Variants in HDAC9 observed in about 807,000 individuals in gnomAD.
HDAC9 encodes the protein MEF-2 interacting transcription repressor (MITR) protein.
A neutral mutation model predicts 139.4 loss-of-function variants in HDAC9; 41 were observed. That is an observed-to-expected ratio of 0.29 (90% CI 0.23 to 0.38). The LOEUF (loss-of-function observed/expected upper bound fraction) is 0.38. HDAC9 is among the 10% of genes least tolerant of loss of function. The probability of loss-of-function intolerance (pLI) is 1.00; values close to 1 mark genes in which losing one functional copy is unlikely to be tolerated. For missense variants in HDAC9, 1,147 were observed against 1,297.0 expected, an observed-to-expected ratio of 0.88 and a Z score of 1.78; for synonymous variants, 517 against 476.2, an observed-to-expected ratio of 1.09 and a Z score of -1.12.
At chr7:18,452,185 G>T (rs1367240714) in intron 1 of HDAC9, among the ~76,000 whole-genome samples, 3 of 152,116 alleles carry the variant, frequency 2.0e-5, no homozygotes, top group Non-Finnish European at 2.9e-5. Context: ...TGAATCCTAG[G>T]CTGAACTGTG....
chr7:18,244,145 G>A (rs1310158117), intron 2 of HDAC9, among the ~76,000 whole-genome samples: 1 of 152,082 alleles, frequency 6.6e-6, no homozygotes, highest in Admixed American at 6.6e-5. Context: ...ACGAACAAGT[G>A]AACAGCTGAG....
At chr7:18,539,940 C>CT (rs973417965) in intron 2 of HDAC9, among the ~76,000 whole-genome samples, 2 of 151,728 alleles carry the variant, frequency 1.3e-5, no homozygotes, top group African/African-American at 4.8e-5. Context: ...AGCATAAGTA[C>CT]TTTTTATAGT....
chr7:18,984,650 C>G (rs555493752), intron 25 of HDAC9, among the ~76,000 whole-genome samples: 1 of 151,882 alleles, frequency 6.6e-6, no homozygotes, highest in Non-Finnish European at 1.5e-5. Flanking sequence ...GAGTAGTTGG[C>G]AATTCATGAA....
chr7:18,232,004 T>G (rs543156138), intron 2 of HDAC9, among the ~76,000 whole-genome samples: 1 of 152,228 alleles, frequency 6.6e-6, no homozygotes, highest in South Asian at 2.1e-4. Flanking sequence ...AACAAATTAA[T>G]TTCCATCGAA....
intron 22 of HDAC9, among the ~76,000 whole-genome samples, chr7:18,881,817 C>A (rs59092377): frequency 6.6e-6 from 1 of 152,060 alleles, no homozygotes; most frequent in African/African-American, 2.4e-5. Flanking sequence ...AATGCCTTGT[C>A]TTCTCATAAT....
intron 18 of HDAC9, 94 bp from the exon 19 acceptor site, chr7:18,829,367 C>A: frequency 1.8e-6 from 2 of 1,126,438 alleles, no homozygotes; most frequent in South Asian, 2.5e-5. Context: ...CTTCAGAGAT[C>A]ATATAGCATT....
At chr7:18,550,496 G>A (rs907533428) in intron 2 of HDAC9, among the ~76,000 whole-genome samples, 2 of 152,192 alleles carry the variant, frequency 1.3e-5, no homozygotes, top group African/African-American at 4.8e-5. Flanking sequence ...ACAAGAGGAG[G>A]AGACAGAAAC....
intron 2 of HDAC9, among the ~76,000 whole-genome samples, chr7:18,539,993 C>T (rs762837235): frequency 2.0e-5 from 3 of 150,668 alleles, no homozygotes; most frequent in Admixed American, 6.7e-5. Context: ...CACGGTGGCT[C>T]ATGTCTGTAA....
chr7:18,801,670 A>G (rs1165073746), intron 17 of HDAC9, among the ~76,000 whole-genome samples: 1 of 152,142 alleles, frequency 6.6e-6, no homozygotes, highest in East Asian at 1.9e-4. Context: ...TGTTTTCTCA[A>G]CGTTTGGTAA....
intron 2 of HDAC9, among the ~76,000 whole-genome samples, chr7:18,559,278 C>G (rs1374117976): frequency 1.3e-5 from 2 of 152,106 alleles, no homozygotes; most frequent in Middle Eastern, 3.2e-3. Flanking sequence ...CTGACCCACA[C>G]AATACATACA....
At chr7:18,972,743 AT>A (rs1784326191) in intron 24 of HDAC9, among the ~76,000 whole-genome samples, 1 of 152,152 alleles carries the variant, frequency 6.6e-6, no homozygotes, top group South Asian at 2.1e-4. Context: ...GATAGCCTCA[AT>A]AATTTACCTG....
intron 2 of HDAC9, among the ~76,000 whole-genome samples, chr7:18,276,435 C>T (rs1465449246): frequency 6.6e-6 from 1 of 152,192 alleles, no homozygotes; most frequent in Non-Finnish European, 1.5e-5. Flanking sequence ...CTAATGCATT[C>T]AGTTTGTGTC....
At chr7:18,269,688 C>CTTTA (rs1218013434) in intron 2 of HDAC9, among the ~76,000 whole-genome samples, 2 of 152,044 alleles carry the variant, frequency 1.3e-5, no homozygotes, top group African/African-American at 4.8e-5. Flanking sequence ...TGCCACTGCA[C>CTTTA]TTTAGCCTGG....
chr7:18,352,821 T>C (rs983255802), intron 1 of HDAC9, among the ~76,000 whole-genome samples: 1 of 152,150 alleles, frequency 6.6e-6, no homozygotes, highest in Non-Finnish European at 1.5e-5. Flanking sequence ...CTCCATTTCA[T>C]GATCCTTGTT....
chr7:18,106,997 A>G (rs1008707204), intron 1 of HDAC9, among the ~76,000 whole-genome samples: 5 of 152,232 alleles, frequency 3.3e-5, no homozygotes, highest in Non-Finnish European at 2.9e-5. Context: ...AAAATCTTGA[A>G]AGAAGCTTTT....
At chr7:18,164,317 C>T (rs1360517073) in intron 2 of HDAC9, among the ~76,000 whole-genome samples, 1 of 152,140 alleles carries the variant, frequency 6.6e-6, no homozygotes, top group African/African-American at 2.4e-5. Context: ...AAAAAATTTT[C>T]TCCTGTTATT....
At chr7:18,569,565 A>G (rs1285973998) in intron 2 of HDAC9, among the ~76,000 whole-genome samples, 1 of 152,190 alleles carries the variant, frequency 6.6e-6, no homozygotes, top group Non-Finnish European at 1.5e-5. Context: ...TGTAATGCTG[A>G]TGGTTTTCTC....
intron 25 of HDAC9, among the ~76,000 whole-genome samples, chr7:18,990,377 G>T (rs1327287257): frequency 6.6e-6 from 1 of 152,222 alleles, no homozygotes; most frequent in Non-Finnish European, 1.5e-5. Flanking sequence ...AGGGGTCAGG[G>T]ACCCACTTGA....
chr7:18,429,974 A>G lies in HDAC9; in HGVS notation c.-41-66288A>G, dbSNP rs550775880. ...ATTTATAAATACCACTTGGGTGTCA[A>G]GAACTCTTACAGGCATTTCATACAT... is the stretch of plus-strand genomic sequence containing the variant. On this transcript the variant is annotated intron_variant, in intron 1 of 3. Transcript: ENST00000413509. Among the ~76,000 whole-genome samples the G allele has an allele frequency of 1.8e-4, 27 of 152,350 alleles. No homozygotes were observed. In the South Asian group the frequency reaches 5.6e-3, roughly 32 times the overall value.
Sources: gnomAD v4.1 joint callset for allele counts (sites outside exome capture counted in the v4.1 genomes callset) on GRCh38, gnomAD v4.1.1 for gene constraint, MANE v1.5 for transcripts, NCBI Gene and HGNC (gene_info 2026-07-23, HGNC 2026-07-21) for gene names.